The following UACA variants were observed in gnomAD, a reference collection of about 807,000 sequenced individuals.
The protein encoded by UACA is nuclear membrane binding protein.
In UACA, 112 loss-of-function variants were observed where a neutral mutation model predicts 160.5. The ratio of observed to expected loss-of-function variants is 0.70; its 90% CI spans 0.60 to 0.82. The LOEUF (loss-of-function observed/expected upper bound fraction) is 0.82, where lower values mean the gene tolerates loss of function less well. Ranked by LOEUF, UACA falls within the 40% of genes least tolerant of loss-of-function variation. The probability of loss-of-function intolerance (pLI) is 0.00; values close to 1 mark genes in which losing one functional copy is unlikely to be tolerated. For synonymous variants in UACA, 557 were observed against 568.4 expected (o/e 0.98, Z 0.29); for missense variants, 1,574 against 1,614.6 (o/e 0.97, Z 0.43).
rs575706439 is a variant in UACA at position 70,709,224 on chromosome 15, A to T, written c.79-9564T>A. ...TGAGTGGTATTAATGTTTACCATAT[A>T]TTATAACAAGTAAATTTCTACAGTC... On this transcript the variant is annotated intron_variant, in intron 1 of 18. Coordinates refer to ENST00000322954, the MANE Select transcript of UACA (RefSeq NM_018003.4). Among the ~76,000 whole-genome samples the T allele has an allele frequency of 7.2e-5, 11 of 152,362 alleles. 1 individual carries two copies. The South Asian group carries it at 2.3e-3, about 32-fold the overall frequency.
At chr15:70,740,461 A>C (rs1261701096) in intron 1 of UACA, among the ~76,000 whole-genome samples, 1 of 151,720 alleles carries the variant, frequency 6.6e-6, no homozygotes, top group Non-Finnish European at 1.5e-5. Context: ...TAAAAAAAAA[A>C]AAAAATTCAA....
At chr15:70,703,189 T>C (rs530517491) in intron 1 of UACA, 7 of 1,289,156 alleles carry the variant, frequency 5.4e-6, no homozygotes, top group East Asian at 5.5e-5. Context: ...GCTGTTGTTG[T>C]TGTTTTTTAA....
intron 1 of UACA, among the ~76,000 whole-genome samples, chr15:70,749,723 T>TAAAAAAAAAAAAAAAAAAA (rs2029923574): frequency 7.2e-6 from 1 of 138,324 alleles, no homozygotes; most frequent in African/African-American, 2.9e-5. Flanking sequence ...AAAAAAAAAG[T>TAAAAAAAAAAAAAAAAAAA]TGGAGAAAAC....
intron 1 of UACA, among the ~76,000 whole-genome samples, chr15:70,760,167 GAAGAAAGT>G (rs1414085254): frequency 6.6e-6 from 1 of 151,944 alleles, no homozygotes; most frequent in African/African-American, 2.4e-5. Context: ...AGAGGAAAGA[GAAGAAAGT>G]AAGATGTACT....
At chr15:70,662,623 T>C (rs886189876) in intron 17 of UACA, among the ~76,000 whole-genome samples, 12 of 152,160 alleles carry the variant, frequency 7.9e-5, no homozygotes, top group Non-Finnish European at 1.0e-4. Context: ...ACTACAAGGC[T>C]ACAGTAACCA....
rs1169990957 is a variant in UACA at position 70,667,350 on chromosome 15, C to A, written c.3334G>T (p.Val1112Phe). Reference protein sequence around the residue: ...AVQNLLQKQHVPLEQVEALKK... With the variant: ...AVQNLLQKQHFPLEQVEALKK... Reference sequence around the variant, plus strand: ...AGAGCCTCAACCTGTTCCAATGGAACATGTTGTTTTTGCAAAAGATTTTGC... The same window carrying A: ...AGAGCCTCAACCTGTTCCAATGGAAAATGTTGTTTTTGCAAAAGATTTTGC... Residue 1112 changes from valine to phenylalanine, a missense_variant, in exon 16 of 19, where the codon GTT becomes TTT. Val to Phe is a conservative substitution (Grantham distance 50). Coordinates refer to ENST00000322954, the MANE Select transcript of UACA (RefSeq NM_018003.4). 6.2e-7 allele frequency: 1 copy of A among 1,613,026 alleles called. No homozygotes were observed. Among genetic ancestry groups the A allele is most frequent in the East Asian group, 2.2e-5 (1 of 44,858 alleles).
At position 70,655,572 on chromosome 15, in the gene UACA, A is replaced by G. The variant is rs967290732; in HGVS notation, c.*1484T>C. On this transcript the variant is annotated 3_prime_UTR_variant, in exon 19 of 19. Coordinates refer to ENST00000322954, the MANE Select transcript of UACA (RefSeq NM_018003.4). ...TATTTTTTATTGAAATAGGTGGCCC[A>G]AAACTTGTGAAACAGAACTCATGCT... 6.6e-6 allele frequency: 1 copy of G among 152,180 alleles called. No homozygotes were observed. Among genetic ancestry groups the G allele is most frequent in the African/African-American group, 2.4e-5 (1 of 41,460 alleles). The allele number at this position is 152,180 out of a possible 1,614,324, so 9.4% of individuals were successfully genotyped here. A position where few individuals can be genotyped will look rare whatever the true frequency, so the allele number is the denominator to read the frequency against.
In UACA at chr15:70,709,890, T is replaced by TA. The variant is rs200667900; in HGVS notation, c.79-10231dup. ...ATATAGGATGATAGCAAAACTTTGA[T>TA]AAAAAACTGCTTAAAGCCAAGAGGA... On this transcript the variant is annotated intron_variant, in intron 1 of 18. Coordinates refer to ENST00000322954, the MANE Select transcript of UACA (RefSeq NM_018003.4). Among the ~76,000 whole-genome samples, 1,265 of 152,280 alleles carry TA rather than the reference T, an allele frequency of 8.3e-3. 12 individuals are homozygous for TA. The highest frequency in any genetic ancestry group is 0.014 in the Non-Finnish European group (934 of 68,000).
chr15:70,702,476 C>G (rs1898400044), intron 1 of UACA, among the ~76,000 whole-genome samples: 2 of 152,114 alleles, frequency 1.3e-5, no homozygotes. Flanking sequence ...TTCAGGTCTA[C>G]TGGGGAAAAT....
chr15:70,664,301 G>A (rs969908466), intron 17 of UACA, among the ~76,000 whole-genome samples: 14 of 152,174 alleles, frequency 9.2e-5, no homozygotes, highest in African/African-American at 3.1e-4. Flanking sequence ...GAAAGATGCT[G>A]GATTTGGAGT....
intron 1 of UACA, among the ~76,000 whole-genome samples, chr15:70,700,243 C>A (rs1024512776): frequency 5.4e-5 from 8 of 149,230 alleles, no homozygotes; most frequent in African/African-American, 1.3e-4. Flanking sequence ...ACTACCCCCC[C>A]CCAACACAGA....
intron 13 of UACA, among the ~76,000 whole-genome samples, chr15:70,675,785 C>T (rs1434607056): frequency 3.9e-5 from 6 of 151,942 alleles, no homozygotes; most frequent in Non-Finnish European, 8.8e-5. Context: ...ACTTAAATTC[C>T]CACTGTGGTG....
chr15:70,702,186 C>G, intron 1 of UACA: 1 of 1,188,048 alleles, frequency 8.4e-7, no homozygotes, highest in Non-Finnish European at 1.0e-6. Flanking sequence ...CTATCTATTT[C>G]TTATTCTTTG....
chr15:70,728,502 G>A (rs1899216031), intron 1 of UACA, among the ~76,000 whole-genome samples: 1 of 151,356 alleles, frequency 6.6e-6, no homozygotes. Flanking sequence ...GGCGGAGGTT[G>A]CGGTGAGCCG....
At chr15:70,716,414 C>A (rs1898823086) in intron 1 of UACA, among the ~76,000 whole-genome samples, 1 of 152,068 alleles carries the variant, frequency 6.6e-6, no homozygotes, top group Non-Finnish European at 1.5e-5. Context: ...AGAGTCCAGC[C>A]CAAATTGCTG....
At chr15:70,767,258 AAAAAAC>A (rs1215780257), upstream of UACA, among the ~76,000 whole-genome samples, 5 of 114,598 alleles carry the variant, frequency 4.4e-5, no homozygotes, top group East Asian at 2.0e-4. Context: ...AAAAAAAAAC[AAAAAAC>A]AAAAACAAAA....
chr15:70,769,554 TTTA>T, the UACA span, among the ~76,000 whole-genome samples: 1 of 150,844 alleles, frequency 6.6e-6, no homozygotes, highest in Non-Finnish European at 1.5e-5. Flanking sequence ...TAAACATATT[TTTA>T]TTATATTTTA....
rs74409771 is a variant in UACA at position 70,751,858 on chromosome 15, T to C, written c.78+11472A>G. Among the ~76,000 whole-genome samples, 9 of 152,294 alleles carry C rather than the reference T, an allele frequency of 5.9e-5. No homozygotes were observed. The East Asian group carries it at 1.7e-3, about 29-fold the overall frequency. On this transcript the variant is annotated intron_variant, in intron 1 of 18. Transcript: ENST00000322954. ...GGCCATGAATGCTATTTATATTTCATAAAGTGCTTTTTTAAAATATAAAAT... is the reference window on the plus strand; with the variant it reads ...GGCCATGAATGCTATTTATATTTCACAAAGTGCTTTTTTAAAATATAAAAT...
chr15:70,657,922 TAA>T (rs67011580), intron 18 of UACA, among the ~76,000 whole-genome samples: 2,453 of 138,620 alleles, frequency 0.018, 53 homozygotes, highest in African/African-American at 0.06. Flanking sequence ...CGCAAAAACT[TAA>T]AAAAAAAAAA....
Sources: allele counts gnomAD v4.1 joint callset (sites outside exome capture counted in the v4.1 genomes callset), GRCh38; gene constraint gnomAD v4.1.1; transcripts MANE v1.5; gene names NCBI Gene and HGNC (gene_info 2026-07-23, HGNC 2026-07-21).